Variants in CTTNBP2 observed in about 807,000 individuals in gnomAD.
CTTNBP2 encodes the protein cortactin binding protein 2.
A neutral mutation model predicts 156.9 loss-of-function variants in CTTNBP2; 108 were observed. The observed-to-expected ratio is 0.69, with a 90% CI of 0.59 to 0.81. CTTNBP2 has a LOEUF of 0.81. Among genes scored for constraint, CTTNBP2 ranks in the 30% least tolerant of loss-of-function variants. The probability of loss-of-function intolerance (pLI) is 0.00; values close to 1 mark genes in which losing one functional copy is unlikely to be tolerated. For synonymous variants in CTTNBP2, 767 were observed against 751.8 expected (o/e 1.02, Z -0.33); for missense variants, 1,924 against 2,035.4 (o/e 0.95, Z 1.05).
At chr7:117,766,720 G>A (rs1797504505) in intron 9 of CTTNBP2, among the ~76,000 whole-genome samples, 1 of 152,172 alleles carries the variant, frequency 6.6e-6, no homozygotes, top group Admixed American at 6.5e-5. Flanking sequence ...ATCAGCTGAT[G>A]CAGAGTACAT....
At chr7:117,840,637 T>C (rs916707258) in intron 2 of CTTNBP2, among the ~76,000 whole-genome samples, 6 of 152,266 alleles carry the variant, frequency 3.9e-5, no homozygotes, top group African/African-American at 9.6e-5. Context: ...ATTTGTGATA[T>C]AGTTAGTTTG....
At chr7:117,827,770 TTTC>T (rs1264466970) in intron 2 of CTTNBP2, among the ~76,000 whole-genome samples, 1 of 152,236 alleles carries the variant, frequency 6.6e-6, no homozygotes, top group Non-Finnish European at 1.5e-5. Context: ...ATAAAGGTAG[TTTC>T]TTGTCTACTA....
At chr7:117,783,106 G>T in intron 5 of CTTNBP2, 145 bp from the exon 6 acceptor site, 1 of 565,286 alleles carries the variant, frequency 1.8e-6, no homozygotes, top group Non-Finnish European at 3.1e-6. Flanking sequence ...GCAGACCTGA[G>T]ACTCTGTAGA....
chr7:117,803,520 A>G (rs1466240029), intron 3 of CTTNBP2, among the ~76,000 whole-genome samples: 1 of 152,192 alleles, frequency 6.6e-6, no homozygotes, highest in Non-Finnish European at 1.5e-5. Flanking sequence ...TGTTCCACCT[A>G]AATCTAAAAT....
At position 117,837,490 on chromosome 7, in the gene CTTNBP2, A is replaced by G. The variant is rs866740801; in HGVS notation, c.189+23719T>C. On this transcript the variant is annotated intron_variant, in intron 2 of 22. Transcript: ENST00000160373. ...TCTCTTAGTTGAGAAAATACCAACTACAGGTTGAAGATCCCATAGTCAAAA... is the reference window on the plus strand; with the variant it reads ...TCTCTTAGTTGAGAAAATACCAACTGCAGGTTGAAGATCCCATAGTCAAAA... 1.1e-4 allele frequency among the ~76,000 whole-genome samples: 17 copies of G among 152,250 alleles called. No homozygotes were observed. The Middle Eastern group carries it at 0.017, about 152-fold the overall frequency.
chr7:117,808,650 C>T (rs1800086146), intron 3 of CTTNBP2, among the ~76,000 whole-genome samples: 1 of 152,176 alleles, frequency 6.6e-6, no homozygotes, highest in Admixed American at 6.5e-5. Context: ...GGAGCCTTTG[C>T]TTTCCCAGAC....
chr7:117,796,449 T>C (rs1038470418), intron 3 of CTTNBP2, among the ~76,000 whole-genome samples: 61 of 152,276 alleles, frequency 4.0e-4, no homozygotes, highest in African/African-American at 1.4e-3. Flanking sequence ...TATTAAAAAA[T>C]CTTTGACCAT....
chr7:117,760,089 A>G (rs1797112507), intron 10 of CTTNBP2, among the ~76,000 whole-genome samples: 1 of 152,208 alleles, frequency 6.6e-6, no homozygotes, highest in African/African-American at 2.4e-5. Flanking sequence ...GCCCAACCCA[A>G]GAACAAATTT....
intron 12 of CTTNBP2, among the ~76,000 whole-genome samples, chr7:117,751,484 T>G (rs1224466162): frequency 6.6e-6 from 1 of 152,246 alleles, no homozygotes; most frequent in Non-Finnish European, 1.5e-5. Flanking sequence ...TTTAAATAAC[T>G]AATTTACTTG....
chr7:117,719,658 C>T lies in CTTNBP2; in HGVS notation c.4512-22G>A, dbSNP rs188569775. On this transcript the variant is annotated intron_variant, in intron 20 of 22. Transcript: ENST00000160373. ...AGACCTAACACAAAGTTCAGAAAAACGTTTTTCAAAGTGAGAACAATTCCC... is the reference window on the plus strand; with the variant it reads ...AGACCTAACACAAAGTTCAGAAAAATGTTTTTCAAAGTGAGAACAATTCCC... The T allele has an allele frequency of 3.3e-4, 532 of 1,593,342 alleles. 1 individual carries two copies. The highest frequency in any genetic ancestry group is 7.5e-4 in the Admixed American group (44 of 58,912).
intron 2 of CTTNBP2, among the ~76,000 whole-genome samples, chr7:117,840,779 T>C (rs1036400621): frequency 2.0e-5 from 3 of 152,122 alleles, no homozygotes; most frequent in African/African-American, 7.2e-5. Flanking sequence ...AGGGCAAACT[T>C]CAAGTAGAGA....
At chr7:117,751,765 G>T (rs1453354433) in intron 12 of CTTNBP2, among the ~76,000 whole-genome samples, 1 of 152,108 alleles carries the variant, frequency 6.6e-6, no homozygotes. Flanking sequence ...ATAATAATTT[G>T]GGTATTACAG....
Position 117,851,630 on chromosome 7 carries a change from T to C in CTTNBP2, c.189+9579A>G, listed in dbSNP as rs1030378982. On this transcript the variant is annotated intron_variant, in intron 2 of 22. Coordinates refer to ENST00000160373, the MANE Select transcript of CTTNBP2 (RefSeq NM_033427.3). The stretch of plus-strand genomic sequence containing the variant: ...GTCAACTGTCTGAAATCTAAACTTA[T>C]TAAGAGTTTAACATATTCACAGTAT... Among the ~76,000 whole-genome samples the C allele has an allele frequency of 1.2e-4, 18 of 152,308 alleles. No homozygotes were observed. In the East Asian group the frequency reaches 3.5e-3, roughly 29 times the overall value.
chr7:117,844,885 G>A (rs1252803904), intron 2 of CTTNBP2, among the ~76,000 whole-genome samples: 2 of 152,172 alleles, frequency 1.3e-5, no homozygotes, highest in African/African-American at 2.4e-5. Context: ...GAAACTGAAA[G>A]CAGCTGAGAG....
intron 2 of CTTNBP2, among the ~76,000 whole-genome samples, chr7:117,855,970 T>A (rs1409988790): frequency 1.3e-5 from 2 of 152,250 alleles, no homozygotes; most frequent in African/African-American, 2.4e-5. Context: ...AAATCCTTAT[T>A]GAGGAAGGAA....
In CTTNBP2 at chr7:117,838,285, C is replaced by T. The variant is rs35729932; in HGVS notation, c.189+22924G>A. 9.5e-4 allele frequency among the ~76,000 whole-genome samples: 144 copies of T among 152,294 alleles called. 1 individual carries two copies. The highest frequency in any genetic ancestry group is 3.2e-3 in the African/African-American group (133 of 41,568). On this transcript the variant is annotated intron_variant, in intron 2 of 22. Transcript: ENST00000160373. The stretch of plus-strand genomic sequence containing the variant: ...GAGCCCAAAGATGGTATTTCTGCTA[C>T]TAAGACCATGTGGAGGGTTCAGCTG...
At chr7:117,726,188 T>C (rs1199816110) in intron 17 of CTTNBP2, among the ~76,000 whole-genome samples, 1 of 152,210 alleles carries the variant, frequency 6.6e-6, no homozygotes, top group East Asian at 1.9e-4. Context: ...CAAAAAAAGA[T>C]TATGCTTTGT....
In CTTNBP2 at chr7:117,711,762, G is replaced by A. The variant is rs745752300; in HGVS notation, c.4767C>T (p.Ser1589=). The A allele has an allele frequency of 6.2e-7, 1 of 1,612,856 alleles. No homozygotes were observed. ...TGTTGCTGCATTCAGTAGTTTGATG[G>A]CTGCTGAGAGGACTGACCTCCTGTA... is the stretch of plus-strand genomic sequence containing the variant. ...VSQKEVSPLS[S]HQTTECSNSK... Residue 1589 remains serine, a synonymous_variant, in exon 23 of 23, where the codon AGC becomes AGT. Coordinates refer to ENST00000160373, the MANE Select transcript of CTTNBP2 (RefSeq NM_033427.3).
chr7:117,754,449 T>A (rs1027514611), intron 12 of CTTNBP2, among the ~76,000 whole-genome samples: 3 of 152,226 alleles, frequency 2.0e-5, no homozygotes, highest in Admixed American at 2.0e-4. Flanking sequence ...GCAATGTGTC[T>A]TATACATAGC....
Sources: allele counts gnomAD v4.1 joint callset (sites outside exome capture counted in the v4.1 genomes callset), GRCh38; gene constraint gnomAD v4.1.1; transcripts MANE v1.5; gene names NCBI Gene and HGNC (gene_info 2026-07-23, HGNC 2026-07-21).